The following USH2A variants were observed in gnomAD, a reference collection of about 807,000 sequenced individuals.
The protein encoded by USH2A is Usher syndrome 2A (autosomal recessive, mild).
In USH2A, 443 loss-of-function variants were observed where a neutral mutation model predicts 538.9. The observed-to-expected ratio is 0.82, with a 90% CI of 0.76 to 0.89. USH2A has a LOEUF of 0.89. Among genes scored for constraint, USH2A ranks in the 40% least tolerant of loss-of-function variants. The pLI is 0.00. For synonymous variants in USH2A, 2,413 were observed against 2,273.5 expected, an observed-to-expected ratio of 1.06 and a Z score of -1.75; for missense variants, 6,633 against 6,324.8, an observed-to-expected ratio of 1.05 and a Z score of -1.65.
intron 3 of USH2A, among the ~76,000 whole-genome samples, chr1:216,392,665 A>T (rs56332759): frequency 0.12 from 18,391 of 151,248 alleles, 3,120 homozygotes; most frequent in African/African-American, 0.38. Flanking sequence ...CTGTTTTTTT[A>T]AAAAAAAGTG....
chr1:216,220,805 C>T (rs951406316), intron 14 of USH2A, among the ~76,000 whole-genome samples: 5 of 151,712 alleles, frequency 3.3e-5, no homozygotes, highest in East Asian at 1.9e-4. Context: ...GAATGGGAGG[C>T]CGAATTGAAA....
chr1:215,721,294 C>T (rs554699415), intron 61 of USH2A, among the ~76,000 whole-genome samples: 1 of 152,126 alleles, frequency 6.6e-6, no homozygotes, highest in Admixed American at 6.5e-5. Context: ...AGGCTGGTCT[C>T]GAACGCCTGA....
chr1:215,867,084 C>A lies in USH2A; in HGVS notation c.8768G>T (p.Gly2923Val). ...SREVTVTTLA[G>V]LPERGANLTA... ...GAGATTGGCTCCTCTCTCTGGAAGACCAGCTAACGTTGTCACAGTCACTTC... is the reference window on the plus strand; with the variant it reads ...GAGATTGGCTCCTCTCTCTGGAAGAACAGCTAACGTTGTCACAGTCACTTC... Residue 2923 changes from glycine (G) to valine (V), a missense_variant, in exon 44 of 72, where the codon GGT becomes GTT. Coordinates refer to ENST00000307340, the MANE Select transcript of USH2A (RefSeq NM_206933.4). The A allele has an allele frequency of 1.2e-6, 2 of 1,614,148 alleles. No individual in the cohort carries two copies. Among genetic ancestry groups the A allele is most frequent in the Non-Finnish European group, 1.7e-6 (2 of 1,180,012 alleles).
At chr1:215,927,504 A>G (rs1666265008) in intron 38 of USH2A, among the ~76,000 whole-genome samples, 1 of 152,148 alleles carries the variant, frequency 6.6e-6, no homozygotes, top group Non-Finnish European at 1.5e-5. Flanking sequence ...GTTGTGTTTA[A>G]TATATATTTA....
chr1:216,353,730 T>C (rs1004871169), intron 4 of USH2A, among the ~76,000 whole-genome samples: 6 of 152,150 alleles, frequency 3.9e-5, no homozygotes, highest in Admixed American at 6.6e-5. Flanking sequence ...GTTATAATAG[T>C]TCAACATCTG....
At chr1:216,335,017 A>G (rs1363481932) in intron 4 of USH2A, among the ~76,000 whole-genome samples, 1 of 151,814 alleles carries the variant, frequency 6.6e-6, no homozygotes, top group Non-Finnish European at 1.5e-5. Flanking sequence ...TCAAGTGCAT[A>G]TGGTACATTC....
At chr1:215,882,878 T>C (rs932722317) in intron 41 of USH2A, among the ~76,000 whole-genome samples, 1 of 152,160 alleles carries the variant, frequency 6.6e-6, no homozygotes, top group African/African-American at 2.4e-5. Context: ...AATTTGAAAA[T>C]GTATGCAATA....
intron 61 of USH2A, among the ~76,000 whole-genome samples, chr1:215,719,788 A>C (rs1028395306): frequency 8.5e-5 from 13 of 152,218 alleles, no homozygotes; most frequent in Admixed American, 3.3e-4. Context: ...GATGAATTAT[A>C]GGAGAATGAG....
chr1:216,415,818 G>T (rs539191220), intron 3 of USH2A, among the ~76,000 whole-genome samples: 1 of 151,898 alleles, frequency 6.6e-6, no homozygotes, highest in Non-Finnish European at 1.5e-5. Context: ...GAACCACTGC[G>T]CCTGGCCTCC....
rs570428776 is a variant in USH2A at position 216,422,815 on chromosome 1, A to T, written c.-204-275T>A. Among the ~76,000 whole-genome samples the T allele has an allele frequency of 2.6e-3, 399 of 150,912 alleles. 3 individuals are homozygous for T. The highest frequency in any genetic ancestry group is 9.3e-3 in the African/African-American group (382 of 41,272). On this transcript the variant is annotated intron_variant, in intron 1 of 71. Transcript: ENST00000307340. ...TTTATATAATATATGTGTGTGTTTT[A>T]TATATATATAATTATTAATAATATA...
In USH2A at chr1:215,634,600, C is replaced by T; in HGVS notation, c.15156G>A (p.Leu5052=). The T allele has an allele frequency of 6.2e-7, 1 of 1,614,172 alleles. No individual in the cohort carries two copies. Among genetic ancestry groups the T allele is most frequent in the African/African-American group, 1.3e-5 (1 of 75,038 alleles). The change falls in exon 70 of 72, where the codon TTG becomes TTA. Residue 5052 remains leucine (L), a synonymous_variant. Transcript: ENST00000307340. ...WFIVLMAMLG[L]ILLAIFLSLI... is the part of the protein sequence containing the mutation. ...GGGACAGAAAAATGGCCAACAAGATCAAGCCCAGCATCGCCATTAACACTA... is the reference window on the plus strand; with the variant it reads ...GGGACAGAAAAATGGCCAACAAGATTAAGCCCAGCATCGCCATTAACACTA...
Position 215,625,831 on chromosome 1 carries a change from A to T in USH2A, c.15559T>A (p.Phe5187Ile), listed in dbSNP as rs1558253732. The T allele has an allele frequency of 6.2e-7, 1 of 1,614,000 alleles. No individual in the cohort carries two copies. ...GTGCGTTCCTTAGTCACTGAGCTGAAATCCTTGATGGCGTTCATCAGGTCC... is the reference window on the plus strand; with the variant it reads ...GTGCGTTCCTTAGTCACTGAGCTGATATCCTTGATGGCGTTCATCAGGTCC... ...EEDLMNAIKDFSSVTKERTTF... is the reference protein window; with the variant it reads ...EEDLMNAIKDISSVTKERTTF... The change falls in exon 72 of 72, where the codon TTC becomes ATC. Residue 5187 changes from phenylalanine to isoleucine, a missense_variant. Transcript: ENST00000307340.
At chr1:215,746,726 G>A (rs1395741422) in intron 58 of USH2A, among the ~76,000 whole-genome samples, 1 of 152,124 alleles carries the variant, frequency 6.6e-6, no homozygotes, top group African/African-American at 2.4e-5. Flanking sequence ...AATATTCCTT[G>A]CAACTTAAAT....
At chr1:216,388,709 G>A (rs900785393) in intron 3 of USH2A, among the ~76,000 whole-genome samples, 3 of 152,192 alleles carry the variant, frequency 2.0e-5, no homozygotes, top group Non-Finnish European at 2.9e-5. Context: ...GAATGACATC[G>A]GAGGACAAGC....
At chr1:215,677,783 T>G (rs1433694644) in intron 62 of USH2A, among the ~76,000 whole-genome samples, 1 of 152,188 alleles carries the variant, frequency 6.6e-6, no homozygotes, top group African/African-American at 2.4e-5. Context: ...CAGGTTGAGT[T>G]ACATTCTCTC....
chr1:215,940,746 T>G (rs987559917), intron 37 of USH2A, among the ~76,000 whole-genome samples: 1 of 152,200 alleles, frequency 6.6e-6, no homozygotes, highest in Non-Finnish European at 1.5e-5. Context: ...TTACTGTAAT[T>G]ACTGTAATAG....
At chr1:215,764,700 GA>G (rs1421183698) in intron 56 of USH2A, among the ~76,000 whole-genome samples, 1 of 152,032 alleles carries the variant, frequency 6.6e-6, no homozygotes, top group East Asian at 1.9e-4. Flanking sequence ...GATGTACTTC[GA>G]AAATGGCATT....
intron 21 of USH2A, among the ~76,000 whole-genome samples, chr1:216,100,210 C>CTCT (rs1219742369): frequency 6.6e-6 from 1 of 152,070 alleles, no homozygotes; most frequent in African/African-American, 2.4e-5. Context: ...AATGGACAGA[C>CTCT]TCTTGACTGC....
chr1:216,288,614 T>G (rs1350224019), intron 11 of USH2A, among the ~76,000 whole-genome samples: 1 of 152,156 alleles, frequency 6.6e-6, no homozygotes, highest in Non-Finnish European at 1.5e-5. Flanking sequence ...AATTGATTCT[T>G]CAAAGTAAAT....
Sources: gnomAD v4.1 joint callset for allele counts (sites outside exome capture counted in the v4.1 genomes callset) on GRCh38, gnomAD v4.1.1 for gene constraint, MANE v1.5 for transcripts, NCBI Gene and HGNC (gene_info 2026-07-23, HGNC 2026-07-21) for gene names.